FXYD3: variants seen among roughly 807,000 people sequenced by gnomAD.
The protein encoded by FXYD3 is FXYD domain containing ion transport regulator 3.
A neutral mutation model predicts 19.2 loss-of-function variants in FXYD3; 13 were observed. That is an observed-to-expected ratio of 0.68 (90% CI 0.44 to 1.08). FXYD3 has a LOEUF of 1.08. FXYD3 is among the 50% of genes least tolerant of loss of function. The pLI, the probability that FXYD3 is intolerant of heterozygous loss-of-function variation, is 0.00. For synonymous variants in FXYD3, 48 were observed against 38.9 expected (o/e 1.23, Z -0.87); for missense variants, 101 against 109.4 (o/e 0.92, Z 0.34).
intron 5 of FXYD3, 82 bp downstream of exon 5, chr19:35,121,327 T>G: frequency 6.2e-7 from 1 of 1,614,070 alleles, no homozygotes; most frequent in Non-Finnish European, 8.5e-7. Context: ...GGTTGGGGCC[T>G]GACGTGAGCA....
In FXYD3 at chr19:35,119,372, C is replaced by G. The variant is rs776657302; in HGVS notation, c.-5C>G. ...CCCGCCACCCCTCTAGGCCAGCGCT[C>G]TGACATGCAGAAGGTGACCCTGGGC... On this transcript the variant is annotated 5_prime_UTR_variant, in exon 3 of 9. Transcript: ENST00000604404. 1 of 1,614,198 alleles carries G rather than the reference C, an allele frequency of 6.2e-7. No individual in the cohort carries two copies. Among genetic ancestry groups the G allele is most frequent in the Non-Finnish European group, 8.5e-7 (1 of 1,180,010 alleles).
chr19:35,123,349 GGT>G (rs71167516), intron 8 of FXYD3, 41 bp downstream of exon 8: 6,122 of 1,394,348 alleles, frequency 4.4e-3, no homozygotes, highest in African/African-American at 5.6e-3. Context: ...ACACGGAAGT[GGT>G]GTGTGTGTGT....
chr19:35,116,128 T>A (rs956524527), intron 1 of FXYD3, 136 bp from the exon 2 acceptor site: 7 of 549,770 alleles, frequency 1.3e-5, no homozygotes, highest in Non-Finnish European at 1.6e-5. Context: ...CCGTCTCACC[T>A]GAGGCTGCTG....
intron 2 of FXYD3, chr19:35,116,718 G>T (rs2064893495): frequency 3.0e-6 from 3 of 985,286 alleles, no homozygotes; most frequent in African/African-American, 1.7e-5. Context: ...TGGACCAGGG[G>T]TGCGTAGATG....
chr19:35,119,434 G>A lies in FXYD3; in HGVS notation c.40+18G>A, dbSNP rs376810232. On this transcript the variant is annotated intron_variant, in intron 3 of 8. Transcript: ENST00000604404. Reference sequence around the variant, plus strand: ...CCTGGCAGGTGAGTACCCATCCCCCGTCTGCCTTTTCCTCTGGATCCCCTG... The same window carrying A: ...CCTGGCAGGTGAGTACCCATCCCCCATCTGCCTTTTCCTCTGGATCCCCTG... The A allele has an allele frequency of 7.1e-4, 1,139 of 1,612,210 alleles. 8 individuals carry two copies. Among genetic ancestry groups the A allele is most frequent in the South Asian group, 5.8e-3 (531 of 91,030 alleles).
Position 35,121,202 on chromosome 19 carries a change from T to C in FXYD3, c.74-20T>C. ...CCTGGCTGTAATCCTGGATTCATGATCTTTTTTCTTTCCTTGCAGATAAAA... is the reference window on the plus strand; with the variant it reads ...CCTGGCTGTAATCCTGGATTCATGACCTTTTTTCTTTCCTTGCAGATAAAA... On this transcript the variant is annotated intron_variant, in intron 4 of 8. Transcript: ENST00000604404. The C allele has an allele frequency of 6.2e-7, 1 of 1,614,176 alleles. No individual in the cohort carries two copies. Among genetic ancestry groups the C allele is most frequent in the Non-Finnish European group, 8.5e-7 (1 of 1,179,978 alleles).
chr19:35,120,926 G>A, intron 3 of FXYD3, 152 bp from the exon 4 acceptor site: 1 of 722,248 alleles, frequency 1.4e-6, no homozygotes, highest in Non-Finnish European at 2.3e-6. Flanking sequence ...TTCCTCGTTG[G>A]GATATGAGGG....
chr19:35,120,293 C>T (rs150262975), intron 3 of FXYD3, among the ~76,000 whole-genome samples: 4 of 152,248 alleles, frequency 2.6e-5, no homozygotes, highest in East Asian at 1.9e-4. Context: ...GCGTGTGCTG[C>T]CATGCCTGGC....
intron 2 of FXYD3, chr19:35,116,918 G>A (rs2064901835): frequency 1.0e-6 from 1 of 985,178 alleles, no homozygotes; most frequent in African/African-American, 1.7e-5. Context: ...AGTTGCTTGG[G>A]AGATTTCAGG....
chr19:35,120,184 G>C (rs570198863), intron 3 of FXYD3, among the ~76,000 whole-genome samples: 5 of 150,064 alleles, frequency 3.3e-5, no homozygotes, highest in African/African-American at 1.2e-4. Flanking sequence ...CTGTTGCCCA[G>C]GCTGGAGTGC....
intron 5 of FXYD3, among the ~76,000 whole-genome samples, chr19:35,122,437 G>A (rs946483438): frequency 3.9e-5 from 6 of 152,172 alleles, no homozygotes; most frequent in African/African-American, 1.4e-4. Context: ...TATCAGGCGT[G>A]AGCCACCATG....
intron 2 of FXYD3, chr19:35,118,495 T>A: frequency 1.0e-6 from 1 of 988,870 alleles, no homozygotes; most frequent in African/African-American, 1.7e-5. Flanking sequence ...AGGGCAGGAC[T>A]GATGCCAGGT....
rs1461223834 is a variant in FXYD3 at position 35,122,817 on chromosome 19, C to T, written c.150C>T (p.Ala50=). The T allele has an allele frequency of 1.9e-6, 3 of 1,613,956 alleles. No homozygotes were observed. In the African/African-American group the frequency reaches 4.0e-5, roughly 22 times the overall value. The part of the protein sequence containing the change: ...GGLICAGVLC[A]MGIIIVMSAK... ...TCATCTGCGCTGGGGTTCTGTGCGCCATGGGCATCATCATCGTCATGAGTG... is the reference window on the plus strand; with the variant it reads ...TCATCTGCGCTGGGGTTCTGTGCGCTATGGGCATCATCATCGTCATGAGTG... The change falls in exon 6 of 9, where the codon GCC becomes GCT. Residue 50 remains alanine, a synonymous_variant. Transcript: ENST00000604404.
chr19:35,116,090 G>A (rs1316168215), intron 1 of FXYD3, 131 bp downstream of exon 1: 1 of 258,336 alleles, frequency 3.9e-6, no homozygotes, highest in Non-Finnish European at 6.1e-6. Flanking sequence ...CTTAATTCCA[G>A]GGGCCGAGTT....
chr19:35,117,358 C>T (rs1600438599), intron 2 of FXYD3: 1 of 1,504,712 alleles, frequency 6.6e-7, no homozygotes, highest in African/African-American at 1.4e-5. Context: ...TTGGAGGAGC[C>T]CCTGGAAAGA....
chr19:35,121,462 CAGG>C, intron 5 of FXYD3: 1 of 1,469,618 alleles, frequency 6.8e-7, no homozygotes, highest in Non-Finnish European at 9.0e-7. Context: ...TAGACACACG[CAGG>C]AGGTGAGGAC....
rs1366151301 is a variant in FXYD3 at position 35,122,730 on chromosome 19, G to T, written c.98-35G>T. The T allele has an allele frequency of 1.9e-6, 3 of 1,544,170 alleles. No homozygotes were observed. The South Asian group carries it at 3.3e-5, about 17-fold the overall frequency. ...TGGGGGGACAGATGGAGAGGACACA[G>T]GCTGGCACTGAGGTCCCCTCCACTT... On this transcript the variant is annotated intron_variant, in intron 5 of 8. Transcript: ENST00000604404.
At chr19:35,117,526 T>G (rs954312596) in intron 2 of FXYD3, 16 of 730,446 alleles carry the variant, frequency 2.2e-5, no homozygotes, top group Middle Eastern at 3.2e-4. Flanking sequence ...GCTGAGAAAA[T>G]GCCCCCATGG....
chr19:35,122,570 T>C (rs1454376236), intron 5 of FXYD3, 195 bp from the exon 6 acceptor site: 3 of 590,910 alleles, frequency 5.1e-6, no homozygotes, highest in Non-Finnish European at 9.0e-6. Context: ...TATCTCTGCC[T>C]GACCCTGCAC....
Sources: gnomAD v4.1 joint callset for allele counts (sites outside exome capture counted in the v4.1 genomes callset) on GRCh38, gnomAD v4.1.1 for gene constraint, MANE v1.5 for transcripts, NCBI Gene and HGNC (gene_info 2026-07-23, HGNC 2026-07-21) for gene names.